PTPRD: variants seen among roughly 807,000 people sequenced by gnomAD.
The protein encoded by PTPRD is protein tyrosine phosphatase receptor type D.
Under a neutral mutation model 214.5 loss-of-function variants are expected in PTPRD, and 34 were observed. The observed-to-expected ratio is 0.16, with a 90% confidence interval of 0.12 to 0.21. The LOEUF is 0.21. Among genes scored for constraint, PTPRD ranks in the 10% least tolerant of loss-of-function variants. The pLI is 1.00. For synonymous variants in PTPRD, 1,128 were observed against 845.7 expected (o/e 1.33, Z -5.79); for missense variants, 2,545 against 2,398.7 (o/e 1.06, Z -1.27).
chr9:9,146,384 A>C lies in PTPRD; in HGVS notation c.-143+36920T>G, dbSNP rs1485682681. ...TTACATAGGGTATCATTTTAAATGC[A>C]AAATTTGGGGCCCTAGACTTCTTCA... On this transcript the variant is annotated intron_variant, in intron 10 of 45. Transcript: ENST00000381196. Among the ~76,000 whole-genome samples the C allele has an allele frequency of 2.6e-5, 4 of 152,226 alleles. No individual in the cohort carries two copies. In the Middle Eastern group the frequency reaches 0.01, roughly 388 times the overall value.
intron 5 of PTPRD, among the ~76,000 whole-genome samples, chr9:9,829,886 A>C (rs2054240073): frequency 6.6e-6 from 1 of 151,748 alleles, no homozygotes; most frequent in South Asian, 2.1e-4. Context: ...ATGTTTATAA[A>C]ATTTTTGAGC....
At chr9:9,564,751 T>G (rs189339796) in intron 8 of PTPRD, among the ~76,000 whole-genome samples, 1 of 151,984 alleles carries the variant, frequency 6.6e-6, no homozygotes, top group African/African-American at 2.4e-5. Flanking sequence ...TTTTCCTAAC[T>G]CTAGTTCAGT....
Position 8,998,754 on chromosome 9 carries a change from T to C in PTPRD, c.-104+19943A>G, listed in dbSNP as rs545008881. ...AGTAAATCTAAAACCTTCTGGAAAG[T>C]ATTCACTAGTCTACATGCCATTAAG... On this transcript the variant is annotated intron_variant, in intron 11 of 45. Coordinates refer to ENST00000381196, the MANE Select transcript of PTPRD (RefSeq NM_002839.4). Among the ~76,000 whole-genome samples the C allele has an allele frequency of 1.5e-3, 227 of 152,196 alleles. 1 individual carries two copies. Among genetic ancestry groups the C allele is most frequent in the African/African-American group, 5.2e-3 (216 of 41,540 alleles).
intron 3 of PTPRD, among the ~76,000 whole-genome samples, chr9:10,285,365 G>T (rs192105578): frequency 4.6e-5 from 7 of 152,140 alleles, no homozygotes; most frequent in African/African-American, 1.4e-4. Context: ...AAAGCATTTT[G>T]TCGGGGTTCA....
chr9:8,487,419 T>C (rs911774795), intron 27 of PTPRD, among the ~76,000 whole-genome samples: 27 of 151,942 alleles, frequency 1.8e-4, no homozygotes, highest in African/African-American at 6.5e-4. Context: ...GAATAAAAAC[T>C]AAACCAAGTT....
chr9:9,103,870 T>C (rs550991416), intron 10 of PTPRD, among the ~76,000 whole-genome samples: 3 of 152,180 alleles, frequency 2.0e-5, no homozygotes, highest in East Asian at 1.9e-4. Flanking sequence ...TATTCCCAGA[T>C]ACCCTGGAGG....
chr9:8,419,649 T>G (rs2094211757), intron 35 of PTPRD, among the ~76,000 whole-genome samples: 1 of 151,882 alleles, frequency 6.6e-6, no homozygotes, highest in East Asian at 1.9e-4. Flanking sequence ...ATCTCATATT[T>G]CTTTCTCGGG....
At chr9:8,459,465 T>G (rs754429242) in intron 33 of PTPRD, among the ~76,000 whole-genome samples, 40 of 152,188 alleles carry the variant, frequency 2.6e-4, no homozygotes, top group Non-Finnish European at 5.4e-4. Context: ...ATTTTGAATT[T>G]AGTCATTTTA....
intron 12 of PTPRD, among the ~76,000 whole-genome samples, chr9:8,704,050 T>A (rs1349210203): frequency 1.3e-5 from 2 of 152,328 alleles, no homozygotes; most frequent in East Asian, 3.9e-4. Context: ...TCTTGTTTAT[T>A]CAACCTGCCT....
chr9:10,104,728 A>T (rs4741008), intron 3 of PTPRD, among the ~76,000 whole-genome samples: 5,475 of 152,016 alleles, frequency 0.036, 175 homozygotes, highest in Admixed American at 0.092. Context: ...TTTTAAACTC[A>T]AAGTCAATAC....
chr9:9,735,005 A>G (rs956546082), intron 6 of PTPRD, among the ~76,000 whole-genome samples: 1 of 152,114 alleles, frequency 6.6e-6, no homozygotes, highest in African/African-American at 2.4e-5. Flanking sequence ...TGGCTATGAC[A>G]ATAATTAGTT....
At chr9:10,447,008 A>C (rs901545845) in intron 2 of PTPRD, among the ~76,000 whole-genome samples, 3 of 152,182 alleles carry the variant, frequency 2.0e-5, no homozygotes, top group African/African-American at 7.2e-5. Context: ...TGATAAACCT[A>C]GGCACTTCAT....
chr9:9,450,958 C>G (rs916156886), intron 8 of PTPRD, among the ~76,000 whole-genome samples: 1 of 149,884 alleles, frequency 6.7e-6, no homozygotes, highest in Non-Finnish European at 1.5e-5. Flanking sequence ...CATACACACA[C>G]ACACACACAC....
chr9:10,213,967 C>T (rs758258299), intron 3 of PTPRD, among the ~76,000 whole-genome samples: 1 of 151,966 alleles, frequency 6.6e-6, no homozygotes, highest in Non-Finnish European at 1.5e-5. Context: ...GCTGCTGGAT[C>T]CCTCCTTCCC....
intron 34 of PTPRD, 143 bp downstream of exon 34, chr9:8,449,582 G>T: frequency 1.4e-6 from 1 of 705,858 alleles, no homozygotes; most frequent in Non-Finnish European, 2.1e-6. Flanking sequence ...TTTTGCTTGG[G>T]CAAGTCTCCA....
chr9:8,884,619 G>C (rs2098471921), intron 11 of PTPRD, among the ~76,000 whole-genome samples: 2 of 152,188 alleles, frequency 1.3e-5, no homozygotes, highest in Admixed American at 1.3e-4. Flanking sequence ...GAAAGTTTCT[G>C]TTCTGGAAAG....
rs147432925 is a variant in PTPRD at position 8,821,229 on chromosome 9, C to T, written c.-103-87283G>A. Among the ~76,000 whole-genome samples, 35 of 152,280 alleles carry T rather than the reference C, an allele frequency of 2.3e-4. No individual in the cohort carries two copies. In the East Asian group the frequency reaches 6.6e-3, roughly 29 times the overall value. On this transcript the variant is annotated intron_variant, in intron 11 of 45. Transcript: ENST00000381196. ...ATTCTTAGATGATCACAGTTGGTAG[C>T]TGGCCACATACATGCTCTCTGGGTT...
intron 3 of PTPRD, among the ~76,000 whole-genome samples, chr9:10,211,980 C>T (rs1489500793): frequency 6.6e-6 from 1 of 152,060 alleles, no homozygotes; most frequent in South Asian, 2.1e-4. Flanking sequence ...TACAGCAGGT[C>T]AATTTTGTCC....
chr9:8,685,478 C>G (rs964623001), intron 12 of PTPRD, among the ~76,000 whole-genome samples: 2 of 151,750 alleles, frequency 1.3e-5, no homozygotes, highest in South Asian at 2.1e-4. Context: ...TGGGCAAACG[C>G]TGCATGTAAA....
Sources: allele counts gnomAD v4.1 joint callset (sites outside exome capture counted in the v4.1 genomes callset), GRCh38; gene constraint gnomAD v4.1.1; transcripts MANE v1.5; gene names NCBI Gene and HGNC (gene_info 2026-07-23, HGNC 2026-07-21).